CYSTM1: variants seen among roughly 807,000 people sequenced by gnomAD.
The protein encoded by CYSTM1 is cysteine-rich transmembrane module-containing protein 1.
A neutral mutation model predicts 13.1 loss-of-function variants in CYSTM1; 4 were observed. The observed-to-expected ratio is 0.31, with a 90% confidence interval of 0.15 to 0.70. CYSTM1 has a LOEUF of 0.70. CYSTM1 is among the 30% of genes least tolerant of loss of function. The pLI is 0.72. For missense variants in CYSTM1, 96 were observed against 121.6 expected (o/e 0.79, Z 0.99); for synonymous variants, 36 against 42.7 (o/e 0.84, Z 0.62).
At chr5:140,242,647 GAGCACT>G (rs1364612188) in intron 2 of CYSTM1, among the ~76,000 whole-genome samples, 2 of 152,178 alleles carry the variant, frequency 1.3e-5, no homozygotes, top group Non-Finnish European at 2.9e-5. Flanking sequence ...TCTCTCGATA[GAGCACT>G]TGGCCATGAC....
At chr5:140,226,690 T>C in intron 2 of CYSTM1, among the ~76,000 whole-genome samples, 1 of 138,444 alleles carries the variant, frequency 7.2e-6, no homozygotes. Flanking sequence ...CACTTGAACC[T>C]GGGAGGCAGA....
chr5:140,211,747 G>C (rs867357438), intron 2 of CYSTM1, among the ~76,000 whole-genome samples: 1 of 152,172 alleles, frequency 6.6e-6, no homozygotes. Context: ...AGGAATTCAA[G>C]ACCAGCCTGG....
chr5:140,219,203 C>T lies in CYSTM1; in HGVS notation c.188-24102C>T, dbSNP rs1349547435. The stretch of plus-strand genomic sequence containing the variant: ...TAGCCTCACATTTGCCAAATAATCA[C>T]ATCTCAGTGGGTAAAGTGGGGATTT... On this transcript the variant is annotated intron_variant, in intron 2 of 2. Coordinates refer to ENST00000261811, the MANE Select transcript of CYSTM1 (RefSeq NM_032412.4). The surrounding 1 kb of genome is among the most constrained non-coding windows in gnomAD (Gnocchi z 4.1). 1.3e-5 allele frequency among the ~76,000 whole-genome samples: 2 copies of T among 152,174 alleles called. No homozygotes were observed. The highest frequency in any genetic ancestry group is 2.9e-5 in the Non-Finnish European group (2 of 68,050).
chr5:140,206,352 C>G (rs1461232348), intron 2 of CYSTM1, among the ~76,000 whole-genome samples: 1 of 152,154 alleles, frequency 6.6e-6, no homozygotes, highest in Non-Finnish European at 1.5e-5. Flanking sequence ...TCTCTTCCCA[C>G]TGGAGTATAA....
chr5:140,203,442 G>A (rs188392179), intron 2 of CYSTM1, among the ~76,000 whole-genome samples: 1 of 152,280 alleles, frequency 6.6e-6, no homozygotes, highest in Non-Finnish European at 1.5e-5. Flanking sequence ...TTCAAGGGGA[G>A]GAAAATAGAC....
At chr5:140,237,947 C>G (rs1460167231) in intron 2 of CYSTM1, among the ~76,000 whole-genome samples, 1 of 152,200 alleles carries the variant, frequency 6.6e-6, no homozygotes, top group Admixed American at 6.5e-5. Flanking sequence ...CCATCCACAG[C>G]TCGGCAAGCC....
At chr5:140,187,757 TA>T (rs1764036167) in intron 1 of CYSTM1, among the ~76,000 whole-genome samples, 1 of 152,174 alleles carries the variant, frequency 6.6e-6, no homozygotes, top group Non-Finnish European at 1.5e-5. Context: ...TAGGCTTTGA[TA>T]ATAAGAAGGG....
chr5:140,201,687 C>T (rs553032871), intron 2 of CYSTM1: 15 of 152,310 alleles, frequency 9.8e-5, no homozygotes, highest in African/African-American at 3.6e-4. Context: ...TGTCTGAATT[C>T]AATCAACCTT....
intron 1 of CYSTM1, among the ~76,000 whole-genome samples, chr5:140,183,873 T>C (rs764079671): frequency 3.3e-5 from 5 of 152,222 alleles, no homozygotes; most frequent in Non-Finnish European, 7.3e-5. Flanking sequence ...CTGTGGATCC[T>C]GCCCTGAAGC....
At chr5:140,187,385 G>T (rs555570482) in intron 1 of CYSTM1, among the ~76,000 whole-genome samples, 9 of 151,954 alleles carry the variant, frequency 5.9e-5, no homozygotes, top group Admixed American at 5.2e-4. Context: ...TTGTTTTTGA[G>T]ATAAGGTCTT....
intron 2 of CYSTM1, among the ~76,000 whole-genome samples, chr5:140,204,360 A>G (rs941775964): frequency 2.0e-5 from 3 of 152,164 alleles, no homozygotes; most frequent in Non-Finnish European, 2.9e-5. Context: ...GCGACAGAGC[A>G]AGACCCTGTC....
intron 2 of CYSTM1, among the ~76,000 whole-genome samples, chr5:140,212,465 CTG>C (rs1208089834): frequency 6.6e-6 from 1 of 152,060 alleles, no homozygotes; most frequent in Non-Finnish European, 1.5e-5. Flanking sequence ...TAATAAATGA[CTG>C]TGTTACTGGC....
chr5:140,212,495 C>T lies in CYSTM1; in HGVS notation c.187+17843C>T, dbSNP rs1316368536. On this transcript the variant is annotated intron_variant, in intron 2 of 2. Coordinates refer to ENST00000261811, the MANE Select transcript of CYSTM1 (RefSeq NM_032412.4). ...TTACTGGCTTATGTGGTTTGGCGTG[C>T]AGTGGCAGGATCACAGCTCACTGCA... 3.9e-5 allele frequency among the ~76,000 whole-genome samples: 6 copies of T among 152,204 alleles called. 1 individual carries two copies. Among genetic ancestry groups the T allele is most frequent in the Admixed American group, 3.9e-4 (6 of 15,294 alleles).
rs1328897907 is a variant in CYSTM1, at chr5:140,230,872, A to G, written c.188-12433A>G. Reference sequence around the variant, plus strand: ...GAGCTAGAATCAGGAATCTGGTGTGATGTGTACCCTCCTTCCACCAGCACG... The same window carrying G: ...GAGCTAGAATCAGGAATCTGGTGTGGTGTGTACCCTCCTTCCACCAGCACG... On this transcript the variant is annotated intron_variant, in intron 2 of 2. Transcript: ENST00000261811. The surrounding 1 kb of genome is among the most constrained non-coding windows in gnomAD (Gnocchi z 4.1). Among the ~76,000 whole-genome samples, 2 of 152,210 alleles carry G rather than the reference A, an allele frequency of 1.3e-5. No individual in the cohort carries two copies. The highest frequency in any genetic ancestry group is 2.9e-5 in the Non-Finnish European group (2 of 68,042).
rs190305001 is a variant in CYSTM1 at position 140,230,768 on chromosome 5, G to A, written c.188-12537G>A. On this transcript the variant is annotated intron_variant, in intron 2 of 2. Coordinates refer to ENST00000261811, the MANE Select transcript of CYSTM1 (RefSeq NM_032412.4). This position sits in a 1 kb window ranked among gnomAD's most constrained non-coding sequence, Gnocchi z 4.1. Reference sequence around the variant, plus strand: ...AGGGATTGGTGTCTTTAATCTTTGGGGCACAGTTTCAGTCCTTTCCCTATT... The same window carrying A: ...AGGGATTGGTGTCTTTAATCTTTGGAGCACAGTTTCAGTCCTTTCCCTATT... Among the ~76,000 whole-genome samples, 3 of 152,058 alleles carry A rather than the reference G, an allele frequency of 2.0e-5. No individual in the cohort carries two copies. Among genetic ancestry groups the A allele is most frequent in the Admixed American group, 6.5e-5 (1 of 15,270 alleles).
chr5:140,236,948 C>A (rs1380087894), intron 2 of CYSTM1, among the ~76,000 whole-genome samples: 3 of 152,220 alleles, frequency 2.0e-5, no homozygotes, highest in African/African-American at 2.4e-5. Context: ...GGATCTCCAG[C>A]CACTTGCCCA....
chr5:140,219,842 CAG>C lies in CYSTM1; in HGVS notation c.188-23460_188-23459del, dbSNP rs1453126023. Among the ~76,000 whole-genome samples the C allele has an allele frequency of 6.6e-6, 1 of 152,208 alleles. No individual in the cohort carries two copies. ...TGAATCAGGCTAACATTGACGATAA[CAG>C]AGTAGTCTGTGCCTGCCTGTGCCTG... On this transcript the variant is annotated intron_variant, in intron 2 of 2. Coordinates refer to ENST00000261811, the MANE Select transcript of CYSTM1 (RefSeq NM_032412.4). This position sits in a 1 kb window ranked among gnomAD's most constrained non-coding sequence, Gnocchi z 4.1.
chr5:140,187,729 T>A (rs536502207), intron 1 of CYSTM1, among the ~76,000 whole-genome samples: 112 of 152,270 alleles, frequency 7.4e-4, no homozygotes, highest in Non-Finnish European at 1.4e-3. Flanking sequence ...TTGAAGGACA[T>A]AAGGATAAGC....
intron 2 of CYSTM1, among the ~76,000 whole-genome samples, chr5:140,206,764 G>A (rs1393535873): frequency 6.6e-6 from 1 of 152,104 alleles, no homozygotes; most frequent in Non-Finnish European, 1.5e-5. Context: ...CCAAGTAGCT[G>A]GGACCACAGG....
Sources: allele counts gnomAD v4.1 joint callset (sites outside exome capture counted in the v4.1 genomes callset), GRCh38; gene constraint gnomAD v4.1.1; non-coding constraint Gnocchi (gnomAD v3.1); transcripts MANE v1.5; gene names NCBI Gene and HGNC (gene_info 2026-07-23, HGNC 2026-07-21).